Variants in PARP10 observed in about 807,000 individuals in gnomAD.
The protein encoded by PARP10 is protein mono-ADP-ribosyltransferase PARP10.
A neutral mutation model predicts 82.4 loss-of-function variants in PARP10; 56 were observed. The observed-to-expected ratio is 0.68, with a 90% CI of 0.55 to 0.85. The LOEUF (loss-of-function observed/expected upper bound fraction) is 0.85, where lower values mean the gene tolerates loss of function less well. Ranked by LOEUF, PARP10 falls within the 40% of genes least tolerant of loss-of-function variation. PARP10 has a pLI of 0.00. For synonymous variants in PARP10, 576 were observed against 601.1 expected (o/e 0.96, Z 0.61); for missense variants, 1,227 against 1,379.4 (o/e 0.89, Z 1.75).
rs2133053463 is a variant in PARP10, at chr8:143,986,077, G to C, written c.159C>G (p.Val53=). 6.2e-7 allele frequency: 1 copy of C among 1,614,016 alleles called. No homozygotes were observed. The highest frequency in any genetic ancestry group is 2.2e-5 in the East Asian group (1 of 44,866). ...LSWQRLGCGG[V]LTFREPADAE... ...CACCTGCAGGCTCTCTGAAGGTGAGGACGCCCCCACAGCCCAGTCTCTGCC... is the reference window on the plus strand; with the variant it reads ...CACCTGCAGGCTCTCTGAAGGTGAGCACGCCCCCACAGCCCAGTCTCTGCC... Residue 53 remains valine, a synonymous_variant, in exon 2 of 11, where the codon GTC becomes GTG. Transcript: ENST00000313028.
At position 143,977,587 on chromosome 8, in the gene PARP10, TG is replaced by T; in HGVS notation, c.2974del (p.His992ThrfsTer54). ...GTGGGTGGGCAGCGCCTGGGTGTCGTGGAAGATGACGAAGATGCTGGGCTGG... is the reference window on the plus strand; with the variant it reads ...GTGGGTGGGCAGCGCCTGGGTGTCGTGAAGATGACGAAGATGCTGGGCTGG... ...ICQPSIFVIF[H>X]DTQALPTHLI... On this transcript the variant is annotated frameshift_variant, in exon 11 of 11. Transcript: ENST00000313028. LOFTEE classifies it low-confidence loss of function (END_TRUNC). 1 of 1,579,962 alleles carries T rather than the reference TG, an allele frequency of 6.3e-7. No individual in the cohort carries two copies. The highest frequency in any genetic ancestry group is 1.2e-5 in the South Asian group (1 of 86,648).
At chr8:144,001,280 C>T (rs147391421) in intron 1 of PARP10, among the ~76,000 whole-genome samples, 181 of 152,128 alleles carry the variant, frequency 1.2e-3, no homozygotes, top group African/African-American at 4.1e-3. Flanking sequence ...GGCATGGTCA[C>T]GGCTCATGCA....
In PARP10 at chr8:143,985,127, G is replaced by T; in HGVS notation, c.875C>A (p.Thr292Asn). The part of the protein sequence containing the change: ...GLVTALQGAG[T>N]VTMGSGEEPG... ...TTCCTCGCCAGAGCCCATTGTCACA[G>T]TCCCTGCACCCTGCAGAGCCGTCAC... Residue 292 changes from threonine to asparagine, a missense_variant, in exon 5 of 11, where the codon ACT becomes AAT. Physicochemically the swap from Thr to Asn is moderately conservative, Grantham distance 65. Coordinates refer to ENST00000313028, the MANE Select transcript of PARP10 (RefSeq NM_032789.5). 1 of 1,614,038 alleles carries T rather than the reference G, an allele frequency of 6.2e-7. No homozygotes were observed. Among genetic ancestry groups the T allele is most frequent in the Non-Finnish European group, 8.5e-7 (1 of 1,179,998 alleles).
At chr8:143,992,049 C>T (rs2133065240), upstream of PARP10, 1 of 1,613,896 alleles carries the variant, frequency 6.2e-7, no homozygotes. Flanking sequence ...GGACTTCCGG[C>T]GAAAGCACCC....
At chr8:143,983,903 G>A in intron 7 of PARP10, 92 bp from the exon 8 acceptor site, 2 of 1,500,586 alleles carry the variant, frequency 1.3e-6, no homozygotes, top group Non-Finnish European at 1.8e-6. Context: ...AGGGTACAGG[G>A]TGGGCCTAAG....
chr8:143,987,852 C>T (rs11780802), upstream of PARP10, among the ~76,000 whole-genome samples: 72,139 of 151,540 alleles, frequency 0.48, 18,388 homozygotes, highest in African/African-American at 0.64. Context: ...GATCGTGCCA[C>T]TGCACTCCAA....
chr8:144,002,951 G>A (rs1554751792), intron 1 of PARP10, among the ~76,000 whole-genome samples: 1 of 152,138 alleles, frequency 6.6e-6, no homozygotes, highest in Non-Finnish European at 1.5e-5. Flanking sequence ...GTTAAAAACT[G>A]GGAGAGATAT....
At chr8:144,005,788 C>T (rs1284772690) in intron 1 of PARP10, among the ~76,000 whole-genome samples, 3 of 152,128 alleles carry the variant, frequency 2.0e-5, no homozygotes, top group African/African-American at 7.2e-5. Flanking sequence ...TGCTTTCTTT[C>T]AGGTCTGCTC....
chr8:143,987,661 G>A (rs11778039), upstream of PARP10, among the ~76,000 whole-genome samples: 69,083 of 152,004 alleles, frequency 0.45, 16,769 homozygotes, highest in African/African-American at 0.61. Flanking sequence ...GGGAGACTGA[G>A]GCAGGTGGAT....
chr8:143,992,115 G>A (rs1248311208), upstream of PARP10: 6 of 1,605,102 alleles, frequency 3.7e-6, no homozygotes, highest in Non-Finnish European at 5.1e-6. Context: ...CCTGGGTCCG[G>A]CCATGCAGTC....
intron 1 of PARP10, among the ~76,000 whole-genome samples, chr8:144,003,428 CAAAAAAA>C (rs782496305): frequency 1.8e-5 from 1 of 56,122 alleles, no homozygotes. Flanking sequence ...AACTCTGTCT[CAAAAAAA>C]AAAAAAAAAA....
intron 9 of PARP10, among the ~76,000 whole-genome samples, chr8:143,978,436 G>T (rs1833769276): frequency 6.6e-6 from 1 of 152,214 alleles, no homozygotes; most frequent in African/African-American, 2.4e-5. Context: ...TCTCAGTGCT[G>T]AAAGACCCAG....
At position 143,985,276 on chromosome 8, in the gene PARP10, G is replaced by T. The variant is rs1326456729; in HGVS notation, c.726C>A (p.Ser242Arg). ...CCAGGATGTCGTAGTGGGGGACAAG[G>T]CTCAGCTCTGAGCCCTGCAACCGGT... ...QEHRLQGSELSLVPHYDILEP... is the reference protein window; with the variant it reads ...QEHRLQGSELRLVPHYDILEP... Residue 242 changes from serine (S) to arginine (R), a missense_variant, in exon 5 of 11, where the codon AGC (serine) becomes AGA (arginine). Transcript: ENST00000313028. 6.2e-7 allele frequency: 1 copy of T among 1,613,582 alleles called. No individual in the cohort carries two copies. Among genetic ancestry groups the T allele is most frequent in the Non-Finnish European group, 8.5e-7 (1 of 1,179,824 alleles).
At chr8:143,978,371 A>G (rs1047003811) in intron 9 of PARP10, among the ~76,000 whole-genome samples, 5 of 152,188 alleles carry the variant, frequency 3.3e-5, no homozygotes, top group Admixed American at 2.6e-4. Context: ...AAGCTGAGCC[A>G]GGGCCCTATG....
Position 143,985,867 on chromosome 8 carries a change from G to A in PARP10, c.290C>T (p.Pro97Leu). Residue 97 changes from proline to leucine, a missense_variant, in exon 3 of 11, where the codon CCC (proline) becomes CTC (leucine). Coordinates refer to ENST00000313028, the MANE Select transcript of PARP10 (RefSeq NM_032789.5). ...APARLLLQGLPPGTTPQRLEQ... is the reference protein window; with the variant it reads ...APARLLLQGLLPGTTPQRLEQ... ...CAAGCGCTGGGGCGTGGTGCCAGGG[G>A]GCAGTCCTTGGAGCAGCAGGCGTGC... The A allele has an allele frequency of 6.2e-7, 1 of 1,607,166 alleles. No individual in the cohort carries two copies. Among genetic ancestry groups the A allele is most frequent in the Non-Finnish European group, 8.5e-7 (1 of 1,176,666 alleles).
chr8:143,985,379 G>A (rs1554749039), intron 4 of PARP10, 33 bp downstream of exon 4: 1 of 1,594,960 alleles, frequency 6.3e-7, no homozygotes, highest in Non-Finnish European at 8.5e-7. Context: ...GCAGGAGAGG[G>A]ACGGTCGGCT....
chr8:144,012,302 C>T (rs1834293661), intron 1 of PARP10: 3 of 580,166 alleles, frequency 5.2e-6, no homozygotes, highest in South Asian at 2.1e-5. Context: ...GAGGCAAGGC[C>T]TGTGTACAGG....
At chr8:144,000,631 A>G (rs982767711) in intron 1 of PARP10, among the ~76,000 whole-genome samples, 1 of 152,118 alleles carries the variant, frequency 6.6e-6, no homozygotes, top group African/African-American at 2.4e-5. Context: ...CTCCATCTCA[A>G]AAACAAACAA....
At chr8:143,992,881 T>G (rs1423142863), upstream of PARP10, 31 of 1,592,340 alleles carry the variant, frequency 1.9e-5, no homozygotes, top group Non-Finnish European at 2.6e-5. Flanking sequence ...GTGGCACGGC[T>G]GGCCTGGACC....
Sources: gnomAD v4.1 joint callset for allele counts (sites outside exome capture counted in the v4.1 genomes callset) on GRCh38, gnomAD v4.1.1 for gene constraint, MANE v1.5 for transcripts, NCBI Gene and HGNC (gene_info 2026-07-23, HGNC 2026-07-21) for gene names.